Variants in PDE4D observed in about 807,000 individuals in gnomAD.
PDE4D encodes the protein 3',5'-cyclic-AMP phosphodiesterase 4D.
A neutral mutation model predicts 87.4 loss-of-function variants in PDE4D; 24 were observed. That is an observed-to-expected ratio of 0.27 (90% CI 0.20 to 0.39). PDE4D has a LOEUF of 0.39. Ranked by LOEUF, PDE4D falls within the 10% of genes least tolerant of loss-of-function variation. PDE4D has a pLI of 1.00. For synonymous variants in PDE4D, 384 were observed against 383.2 expected, an observed-to-expected ratio of 1.00 and a Z score of -0.02; for missense variants, 714 against 1,041.0, an observed-to-expected ratio of 0.69 and a Z score of 4.32.
At chr5:59,873,068 C>T (rs868310830) in intron 1 of PDE4D, among the ~76,000 whole-genome samples, 22 of 152,190 alleles carry the variant, frequency 1.4e-4, no homozygotes, top group South Asian at 6.2e-4. Flanking sequence ...TACTTTTCCC[C>T]TTCCTTCATT....
At chr5:59,377,432 A>AT (rs751450449) in intron 1 of PDE4D, among the ~76,000 whole-genome samples, 2,756 of 150,106 alleles carry the variant, frequency 0.018, 98 homozygotes, top group African/African-American at 0.064. Context: ...AAAAAAAAAA[A>AT]ATATGTCATG....
intron 1 of PDE4D, among the ~76,000 whole-genome samples, chr5:60,434,088 A>G (rs1004887524): frequency 4.6e-5 from 7 of 152,144 alleles, no homozygotes; most frequent in Non-Finnish European, 8.8e-5. Context: ...AAAAAAAAAG[A>G]TTTCAGAGGA....
At chr5:59,183,819 G>C (rs2153479808) in intron 4 of PDE4D, among the ~76,000 whole-genome samples, 1 of 152,310 alleles carries the variant, frequency 6.6e-6, no homozygotes, top group African/African-American at 2.4e-5. Context: ...TCAGCGAACA[G>C]GCCTTTGCAG....
At chr5:59,180,111 T>G (rs1741131952) in intron 5 of PDE4D, among the ~76,000 whole-genome samples, 1 of 152,218 alleles carries the variant, frequency 6.6e-6, no homozygotes, top group African/African-American at 2.4e-5. Context: ...CCAAACTGAG[T>G]TTATTCTCAG....
chr5:60,382,695 T>C (rs191506592), intron 1 of PDE4D, among the ~76,000 whole-genome samples: 1 of 152,316 alleles, frequency 6.6e-6, no homozygotes, highest in East Asian at 1.9e-4. Flanking sequence ...TACTGAAGTT[T>C]TAGAAAATAC....
At chr5:60,293,885 T>C (rs1215671311) in intron 1 of PDE4D, among the ~76,000 whole-genome samples, 2 of 152,208 alleles carry the variant, frequency 1.3e-5, no homozygotes, top group Admixed American at 1.3e-4. Flanking sequence ...TTATGAATAT[T>C]TTAACAAGTA....
chr5:60,279,905 C>T (rs1488887374), intron 1 of PDE4D, among the ~76,000 whole-genome samples: 1 of 151,974 alleles, frequency 6.6e-6, no homozygotes, highest in East Asian at 1.9e-4. Flanking sequence ...TATTCTTGAA[C>T]TCCTGACCTG....
chr5:60,331,570 G>A (rs552680804), intron 1 of PDE4D, among the ~76,000 whole-genome samples: 1 of 152,328 alleles, frequency 6.6e-6, no homozygotes, highest in South Asian at 2.1e-4. Context: ...CTGTGTCTTG[G>A]TTTTGGACTA....
At chr5:59,327,156 C>T (rs1007580045) in intron 1 of PDE4D, among the ~76,000 whole-genome samples, 72 of 149,822 alleles carry the variant, frequency 4.8e-4, no homozygotes, top group African/African-American at 1.8e-3. Context: ...CACACACACA[C>T]ACACACACAC....
At chr5:59,130,405 G>A (rs910806742) in intron 5 of PDE4D, among the ~76,000 whole-genome samples, 6 of 152,146 alleles carry the variant, frequency 3.9e-5, no homozygotes, top group African/African-American at 1.4e-4. Flanking sequence ...ACGGCATCTC[G>A]TAAAGCACAT....
At chr5:59,860,840 A>G (rs530942865) in intron 1 of PDE4D, among the ~76,000 whole-genome samples, 2 of 151,446 alleles carry the variant, frequency 1.3e-5, no homozygotes, top group Admixed American at 6.6e-5. Flanking sequence ...TGTTGTTCGA[A>G]CTTTTTTTTT....
chr5:60,089,971 T>A (rs1270287821), intron 2 of PDE4D, among the ~76,000 whole-genome samples: 2 of 151,426 alleles, frequency 1.3e-5, no homozygotes, highest in Non-Finnish European at 3.0e-5. Context: ...ATTGAACCCA[T>A]GAAAAAAGAG....
intron 2 of PDE4D, among the ~76,000 whole-genome samples, chr5:59,210,619 C>A (rs1483114896): frequency 6.6e-6 from 1 of 152,192 alleles, no homozygotes; most frequent in Non-Finnish European, 1.5e-5. Flanking sequence ...CCCAAATATG[C>A]CCCAGCTTTT....
chr5:60,288,248 G>A (rs1422742820), intron 1 of PDE4D, among the ~76,000 whole-genome samples: 2 of 152,108 alleles, frequency 1.3e-5, no homozygotes, highest in Non-Finnish European at 2.9e-5. Flanking sequence ...GAAATATACC[G>A]ATGATCTTAC....
At chr5:59,327,328 T>A (rs1205596232) in intron 1 of PDE4D, among the ~76,000 whole-genome samples, 1 of 152,036 alleles carries the variant, frequency 6.6e-6, no homozygotes, top group African/African-American at 2.4e-5. Context: ...GCATTATAAG[T>A]CTAAGTAAAG....
chr5:59,836,159 TGTC>T (rs1741993933), intron 1 of PDE4D, among the ~76,000 whole-genome samples: 2 of 152,146 alleles, frequency 1.3e-5, no homozygotes, highest in East Asian at 3.9e-4. Flanking sequence ...TGTTCATCAT[TGTC>T]ATCATCATCA....
intron 2 of PDE4D, among the ~76,000 whole-genome samples, chr5:60,175,212 A>G (rs1232141326): frequency 6.6e-6 from 1 of 152,072 alleles, no homozygotes; most frequent in African/African-American, 2.4e-5. Flanking sequence ...CACGTCTACT[A>G]ACAAGCCCAA....
intron 6 of PDE4D, among the ~76,000 whole-genome samples, chr5:59,010,562 G>A (rs1418454859): frequency 1.3e-5 from 2 of 151,968 alleles, no homozygotes; most frequent in African/African-American, 4.8e-5. Flanking sequence ...GTGATCCTGG[G>A]AGACTGTTTG....
intron 2 of PDE4D, among the ~76,000 whole-genome samples, chr5:60,141,047 T>A (rs1780492602): frequency 6.6e-6 from 1 of 152,178 alleles, no homozygotes; most frequent in South Asian, 2.1e-4. Context: ...TATCAGCTCT[T>A]TTTTCGTGGA....
Sources: allele counts gnomAD v4.1 joint callset (sites outside exome capture counted in the v4.1 genomes callset), GRCh38; gene constraint gnomAD v4.1.1; transcripts MANE v1.5; gene names NCBI Gene and HGNC (gene_info 2026-07-23, HGNC 2026-07-21).